DLC1: variants seen among roughly 807,000 people sequenced by gnomAD.
The protein encoded by DLC1 is DLC1 Rho GTPase activating protein.
A neutral mutation model predicts 140.3 loss-of-function variants in DLC1; 54 were observed. That is an observed-to-expected ratio of 0.38 (90% CI 0.31 to 0.48). DLC1 has a LOEUF of 0.48. Ranked by LOEUF, DLC1 falls within the 20% of genes least tolerant of loss-of-function variation. DLC1 has a pLI of 0.96. For missense variants in DLC1, 2,536 were observed against 1,907.0 expected (o/e 1.33, Z -6.14); for synonymous variants, 986 against 728.1 (o/e 1.35, Z -5.70).
intron 10 of DLC1, among the ~76,000 whole-genome samples, chr8:13,097,327 T>C (rs1481917672): frequency 6.6e-6 from 1 of 152,024 alleles, no homozygotes; most frequent in Admixed American, 6.6e-5. Context: ...AGTAGCCTTA[T>C]CTTGGGGCTC....
chr8:13,348,355 C>T (rs1439308052), intron 4 of DLC1, among the ~76,000 whole-genome samples: 2 of 152,138 alleles, frequency 1.3e-5, no homozygotes, highest in Non-Finnish European at 2.9e-5. Context: ...GGTGCCAGCT[C>T]ATTCAGGGCC....
intron 2 of DLC1, among the ~76,000 whole-genome samples, chr8:13,433,034 C>A (rs1252624441): frequency 7.2e-6 from 1 of 138,740 alleles, no homozygotes; most frequent in Non-Finnish European, 1.5e-5. Flanking sequence ...TTGGAAGGAA[C>A]AGTTATTGAT....
At chr8:13,345,240 C>T (rs1834273165) in intron 4 of DLC1, among the ~76,000 whole-genome samples, 1 of 152,094 alleles carries the variant, frequency 6.6e-6, no homozygotes, top group Admixed American at 6.6e-5. Flanking sequence ...AAAACTGTTT[C>T]TCCTTCCCCA....
At chr8:13,162,765 C>A (rs536606955) in intron 5 of DLC1, among the ~76,000 whole-genome samples, 1 of 152,078 alleles carries the variant, frequency 6.6e-6, no homozygotes, top group African/African-American at 2.4e-5. Flanking sequence ...CACAGTGAGA[C>A]CCCGTCTTTA....
At chr8:13,143,298 CAT>C (rs1469508767) in intron 5 of DLC1, among the ~76,000 whole-genome samples, 1 of 152,194 alleles carries the variant, frequency 6.6e-6, no homozygotes, top group Non-Finnish European at 1.5e-5. Context: ...GCTCTGAAAA[CAT>C]GTGCAGAAAA....
At chr8:13,209,822 G>A (rs923302683) in intron 5 of DLC1, among the ~76,000 whole-genome samples, 11 of 152,284 alleles carry the variant, frequency 7.2e-5, no homozygotes, top group Admixed American at 3.3e-4. Flanking sequence ...GGCCTTCTCA[G>A]AAGCAGATGC....
chr8:13,452,126 A>G (rs1017218422), intron 2 of DLC1, among the ~76,000 whole-genome samples: 3 of 151,900 alleles, frequency 2.0e-5, no homozygotes, highest in African/African-American at 7.2e-5. Context: ...ATGCAATAAA[A>G]CTAGCAACAT....
intron 2 of DLC1, among the ~76,000 whole-genome samples, chr8:13,440,534 TC>T (rs1198308731): frequency 2.0e-5 from 3 of 152,038 alleles, no homozygotes; most frequent in Non-Finnish European, 4.4e-5. Context: ...GATATTTTGC[TC>T]TTTTTTTTTT....
intron 5 of DLC1, among the ~76,000 whole-genome samples, chr8:13,147,346 T>C (rs1823509071): frequency 6.6e-6 from 1 of 152,226 alleles, no homozygotes; most frequent in South Asian, 2.1e-4. Flanking sequence ...TTTCCCCTTT[T>C]CAAGTGAATT....
chr8:13,600,213 A>G (rs1256014553), intron 1 of DLC1, among the ~76,000 whole-genome samples: 1 of 151,936 alleles, frequency 6.6e-6, no homozygotes, highest in African/African-American at 2.4e-5. Context: ...TGCACTATGA[A>G]GAGACATACC....
intron 5 of DLC1, among the ~76,000 whole-genome samples, chr8:13,301,223 C>CAAAA (rs754993209): frequency 8.7e-4 from 116 of 132,586 alleles, no homozygotes; most frequent in South Asian, 2.8e-3. Flanking sequence ...GTCTAATAGA[C>CAAAA]AAAAAAAAAA....
At chr8:13,454,152 G>A (rs529138048) in intron 2 of DLC1, among the ~76,000 whole-genome samples, 4 of 152,138 alleles carry the variant, frequency 2.6e-5, no homozygotes, top group Non-Finnish European at 5.9e-5. Context: ...TGTTCATGTA[G>A]TTACAAAAAA....
intron 2 of DLC1, among the ~76,000 whole-genome samples, chr8:13,444,428 C>T (rs1326038273): frequency 1.3e-5 from 2 of 151,986 alleles, no homozygotes; most frequent in African/African-American, 2.4e-5. Context: ...TGCACATGTA[C>T]TCTAGAACTT....
chr8:13,421,320 G>C (rs746655114), intron 2 of DLC1, among the ~76,000 whole-genome samples: 11 of 152,038 alleles, frequency 7.2e-5, no homozygotes, highest in Non-Finnish European at 1.6e-4. Context: ...ATGTGTCTCT[G>C]CAACCCCTAA....
intron 10 of DLC1, chr8:13,095,544 G>A: frequency 3.2e-6 from 1 of 314,268 alleles, no homozygotes. Flanking sequence ...AAGAGTGGGG[G>A]TTGACAGGTC....
At chr8:13,303,025 G>A (rs17191628) in intron 5 of DLC1, among the ~76,000 whole-genome samples, 7,757 of 151,854 alleles carry the variant, frequency 0.051, 249 homozygotes, top group South Asian at 0.12. Context: ...ATTTGTTACC[G>A]TGATTCATAA....
chr8:13,409,063 C>T (rs1300123324), intron 2 of DLC1, among the ~76,000 whole-genome samples: 1 of 151,772 alleles, frequency 6.6e-6, no homozygotes, highest in Non-Finnish European at 1.5e-5. Context: ...TACTTTTCTA[C>T]CGGCACTGTT....
chr8:13,589,016 T>C (rs893554798), intron 1 of DLC1, among the ~76,000 whole-genome samples: 27 of 152,064 alleles, frequency 1.8e-4, no homozygotes, highest in Non-Finnish European at 2.9e-5. Flanking sequence ...CTGGACCATA[T>C]CCATTCAACA....
chr8:13,359,029 C>T (rs1409587514), intron 4 of DLC1, among the ~76,000 whole-genome samples: 1 of 152,184 alleles, frequency 6.6e-6, no homozygotes, highest in Non-Finnish European at 1.5e-5. Flanking sequence ...AGCTCCGCGT[C>T]CCGGGTTCAC....
Sources: gnomAD v4.1 joint callset for allele counts (sites outside exome capture counted in the v4.1 genomes callset) on GRCh38, gnomAD v4.1.1 for gene constraint, MANE v1.5 for transcripts, NCBI Gene and HGNC (gene_info 2026-07-23, HGNC 2026-07-21) for gene names.